Variants in TMEM117 observed in about 807,000 individuals in gnomAD.
TMEM117 encodes transmembrane protein 117.
Under a neutral mutation model 52.4 loss-of-function variants are expected in TMEM117, and 27 were observed. The observed-to-expected ratio is 0.51, with a 90% CI of 0.38 to 0.71. The LOEUF is 0.71. Among genes scored for constraint, TMEM117 ranks in the 30% least tolerant of loss-of-function variants. The pLI is 0.00. For synonymous variants in TMEM117, 215 were observed against 206.3 expected (o/e 1.04, Z -0.36); for missense variants, 556 against 630.5 (o/e 0.88, Z 1.26).
intron 2 of TMEM117, among the ~76,000 whole-genome samples, chr12:43,913,881 G>A (rs200473807): frequency 2.6e-5 from 4 of 152,040 alleles, no homozygotes; most frequent in South Asian, 2.1e-4. Flanking sequence ...AGTATTACAC[G>A]TGACCAAATA....
At chr12:43,810,013 G>A in the TMEM117 span, among the ~76,000 whole-genome samples, 64 of 152,268 alleles carry the variant, frequency 4.2e-4, no homozygotes, top group Non-Finnish European at 2.5e-4. Context: ...ATTTTCCCAA[G>A]TAAAATATAG....
chr12:43,798,487 TA>T, the TMEM117 span: 5 of 1,406,180 alleles, frequency 3.6e-6, no homozygotes, highest in African/African-American at 1.5e-5. Flanking sequence ...ATTTTACTTT[TA>T]AAAAAATGAA....
In TMEM117 at chr12:43,929,085, T is replaced by C. The variant is rs543222455; in HGVS notation, c.278-15125T>C. Among the ~76,000 whole-genome samples, 1,456 of 151,968 alleles carry C rather than the reference T, an allele frequency of 9.6e-3. 15 individuals carry two copies. The highest frequency in any genetic ancestry group is 0.017 in the Middle Eastern group (5 of 294). ...TGCATGTGTCTTTATAGCAGCATGA[T>C]TTATAGTCCTTTGGGTATATACCCA... is the stretch of plus-strand genomic sequence containing the variant. On this transcript the variant is annotated intron_variant, in intron 2 of 7. Transcript: ENST00000266534.
chr12:43,926,966 T>A (rs1016946544), intron 2 of TMEM117, among the ~76,000 whole-genome samples: 9 of 152,064 alleles, frequency 5.9e-5, no homozygotes, highest in Admixed American at 1.3e-4. Flanking sequence ...TTGCTTTCTA[T>A]GAGTTTATTA....
intron 3 of TMEM117, among the ~76,000 whole-genome samples, chr12:43,991,453 C>G (rs1945938934): frequency 2.0e-5 from 3 of 151,664 alleles, no homozygotes; most frequent in South Asian, 2.1e-4. Flanking sequence ...ATCTATCTAT[C>G]TATCTATCTA....
intron 2 of TMEM117, among the ~76,000 whole-genome samples, chr12:43,855,663 C>A (rs1323225105): frequency 6.6e-6 from 1 of 152,170 alleles, no homozygotes; most frequent in Non-Finnish European, 1.5e-5. Flanking sequence ...TTTGGGAAGA[C>A]AAATTCTAGT....
At chr12:44,052,619 TG>T (rs1946991636) in intron 3 of TMEM117, among the ~76,000 whole-genome samples, 1 of 152,192 alleles carries the variant, frequency 6.6e-6, no homozygotes, top group Non-Finnish European at 1.5e-5. Flanking sequence ...CAGACACTGC[TG>T]GTGTCTCTAC....
At chr12:44,304,846 C>G (rs958070196) in intron 6 of TMEM117, among the ~76,000 whole-genome samples, 5 of 152,186 alleles carry the variant, frequency 3.3e-5, no homozygotes, top group African/African-American at 1.2e-4. Flanking sequence ...TGAGTGACAT[C>G]CAGAGCCATG....
intron 5 of TMEM117, among the ~76,000 whole-genome samples, chr12:44,248,187 T>A (rs541057444): frequency 1.3e-5 from 2 of 152,186 alleles, no homozygotes. Flanking sequence ...GATGGGTGAA[T>A]TTCTGGAGAA....
At chr12:44,214,138 A>ATT (rs773352634) in intron 5 of TMEM117, among the ~76,000 whole-genome samples, 2,168 of 99,198 alleles carry the variant, frequency 0.022, 80 homozygotes, top group Non-Finnish European at 0.025. Flanking sequence ...TTTTTTTTTA[A>ATT]TTTTTTTTTT....
intron 3 of TMEM117, among the ~76,000 whole-genome samples, chr12:44,129,150 T>C (rs1203675794): frequency 6.6e-6 from 1 of 152,218 alleles, no homozygotes; most frequent in Non-Finnish European, 1.5e-5. Flanking sequence ...AGACCCTGCA[T>C]GGGCCACAGC....
At chr12:43,984,929 T>C (rs1272092094) in intron 3 of TMEM117, among the ~76,000 whole-genome samples, 3 of 152,286 alleles carry the variant, frequency 2.0e-5, no homozygotes, top group East Asian at 3.9e-4. Flanking sequence ...ATCAATGAAA[T>C]GGGAGCATTT....
intron 3 of TMEM117, among the ~76,000 whole-genome samples, chr12:44,059,829 C>T (rs1302520459): frequency 6.6e-6 from 1 of 152,190 alleles, no homozygotes; most frequent in Non-Finnish European, 1.5e-5. Context: ...GGGCATGTCA[C>T]TGTAAATTGT....
intron 7 of TMEM117, among the ~76,000 whole-genome samples, chr12:44,380,896 C>A (rs1208613583): frequency 6.6e-6 from 1 of 152,150 alleles, no homozygotes; most frequent in East Asian, 1.9e-4. Flanking sequence ...AAGGAGAAAG[C>A]TAAGAATGCA....
At chr12:44,185,869 TACACACACACAC>T (rs3065433) in intron 4 of TMEM117, among the ~76,000 whole-genome samples, 2,313 of 135,110 alleles carry the variant, frequency 0.017, 51 homozygotes, top group African/African-American at 0.052. Flanking sequence ...CTAAAAGACA[TACACACACACAC>T]ACACACACAC....
chr12:43,921,176 C>G, intron 2 of TMEM117, among the ~76,000 whole-genome samples: 1 of 152,090 alleles, frequency 6.6e-6, no homozygotes. Flanking sequence ...GTTGGTTTGT[C>G]TCTATCTGTC....
At chr12:44,134,282 A>T (rs1237393170) in intron 3 of TMEM117, among the ~76,000 whole-genome samples, 22 of 152,078 alleles carry the variant, frequency 1.4e-4, no homozygotes, top group Admixed American at 1.4e-3. Flanking sequence ...GGTGCAATCA[A>T]GGCTTGCTCG....
intron 3 of TMEM117, among the ~76,000 whole-genome samples, chr12:43,958,078 T>C (rs1945337183): frequency 6.6e-6 from 1 of 152,210 alleles, no homozygotes; most frequent in Admixed American, 6.5e-5. Context: ...TTTGAGGAAA[T>C]ACATAGTGAA....
At chr12:44,052,303 A>T (rs1453138619) in intron 3 of TMEM117, among the ~76,000 whole-genome samples, 1 of 152,166 alleles carries the variant, frequency 6.6e-6, no homozygotes, top group East Asian at 1.9e-4. Context: ...GTATAAATAC[A>T]TTTATTTATC....
Sources: allele counts gnomAD v4.1 joint callset (sites outside exome capture counted in the v4.1 genomes callset), GRCh38; gene constraint gnomAD v4.1.1; transcripts MANE v1.5; gene names NCBI Gene and HGNC (gene_info 2026-07-23, HGNC 2026-07-21).